PAX3: variants seen among roughly 807,000 people sequenced by gnomAD.
PAX3 encodes the protein paired box 3.
PAX3 carries 14 observed loss-of-function variants against 51.6 expected under a neutral mutation model. That is an observed-to-expected ratio of 0.27 (90% CI 0.18 to 0.42). The LOEUF (loss-of-function observed/expected upper bound fraction) is 0.42. Among genes scored for constraint, PAX3 ranks in the 10% least tolerant of loss-of-function variants. The pLI, the probability that PAX3 is intolerant of heterozygous loss-of-function variation, is 1.00. For missense variants in PAX3, 540 were observed against 642.8 expected (o/e 0.84, Z 1.73); for synonymous variants, 280 against 253.4 (o/e 1.11, Z -1.00).
chr2:222,293,752 C>T (rs1695135950), intron 4 of PAX3: 1 of 1,614,020 alleles, frequency 6.2e-7, no homozygotes, highest in Admixed American at 1.7e-5. Flanking sequence ...GAGACCAGGG[C>T]CTTTCCTGAG....
intron 5 of PAX3, among the ~76,000 whole-genome samples, chr2:222,226,611 C>T (rs957263614): frequency 5.9e-5 from 9 of 151,812 alleles, no homozygotes; most frequent in Admixed American, 3.3e-4. Context: ...ATCAGTTAGA[C>T]GGCTTCAAAT....
rs556348675 is a variant in PAX3, at chr2:222,234,496, A to G, written c.587-2213T>C. Among the ~76,000 whole-genome samples the G allele has an allele frequency of 7.2e-5, 11 of 152,326 alleles. No individual in the cohort carries two copies. The South Asian group carries it at 1.4e-3, about 20-fold the overall frequency. ...TAAATGTAAGCTAAACTAAATGAGC[A>G]ATAATTTGTGCCGAGTCATAGAACA... On this transcript the variant is annotated intron_variant, in intron 4 of 8. Coordinates refer to ENST00000392070, the MANE Select transcript of PAX3 (RefSeq NM_181458.4).
chr2:222,235,298 AC>A (rs777725782), intron 4 of PAX3, among the ~76,000 whole-genome samples: 8 of 152,100 alleles, frequency 5.3e-5, no homozygotes, highest in Non-Finnish European at 1.0e-4. Context: ...CACTGCTGGA[AC>A]CCTTAGAACA....
At chr2:222,268,855 T>G (rs1210033098) in intron 4 of PAX3, among the ~76,000 whole-genome samples, 2 of 152,064 alleles carry the variant, frequency 1.3e-5, no homozygotes, top group Non-Finnish European at 2.9e-5. Context: ...TTGTGCCATA[T>G]TCAGACGTTT....
intron 4 of PAX3, among the ~76,000 whole-genome samples, chr2:222,260,423 G>GTT (rs1007226472): frequency 6.6e-6 from 1 of 151,942 alleles, no homozygotes; most frequent in Non-Finnish European, 1.5e-5. Flanking sequence ...GATGATCATA[G>GTT]TTTTACTGTG....
chr2:222,239,278 C>A (rs565593442), intron 4 of PAX3, among the ~76,000 whole-genome samples: 2 of 151,406 alleles, frequency 1.3e-5, no homozygotes, highest in Admixed American at 1.3e-4. Flanking sequence ...TGGCAGGGCG[C>A]AGGAGACACA....
intron 4 of PAX3, chr2:222,293,670 G>A (rs1695129629): frequency 3.1e-6 from 5 of 1,613,976 alleles, no homozygotes; most frequent in Admixed American, 3.3e-5. Context: ...CAGCCAATGT[G>A]GGGGCAATTT....
chr2:222,261,589 AAAC>A (rs1161958978), intron 4 of PAX3, among the ~76,000 whole-genome samples: 41 of 150,134 alleles, frequency 2.7e-4, no homozygotes, highest in Admixed American at 1.3e-3. Flanking sequence ...ACTCAAGCAG[AAAC>A]AACAACAACA....
At position 222,279,245 on chromosome 2, in the gene PAX3, C is replaced by T. The variant is rs147598995; in HGVS notation, c.586+14922G>A. 7.8e-3 allele frequency among the ~76,000 whole-genome samples: 1,189 copies of T among 152,118 alleles called. 15 individuals are homozygous for T. Among genetic ancestry groups the T allele is most frequent in the African/African-American group, 0.027 (1,107 of 41,494 alleles). On this transcript the variant is annotated intron_variant, in intron 4 of 8. Coordinates refer to ENST00000392070, the MANE Select transcript of PAX3 (RefSeq NM_181458.4). ...CTGGGATTACAGGCATGAGCCACCA[C>T]GCCCAGCCAACCAGTTGAGTATCTA...
At chr2:222,255,297 T>C (rs865854385) in intron 4 of PAX3, among the ~76,000 whole-genome samples, 1 of 151,960 alleles carries the variant, frequency 6.6e-6, no homozygotes, top group Non-Finnish European at 1.5e-5. Flanking sequence ...CTGCCCTGCC[T>C]AAATATGGTG....
chr2:222,256,934 T>C (rs892952386), intron 4 of PAX3, among the ~76,000 whole-genome samples: 1 of 152,214 alleles, frequency 6.6e-6, no homozygotes, highest in Non-Finnish European at 1.5e-5. Context: ...AAATGGACCC[T>C]GTACTTGTGA....
intron 2 of PAX3, 45 bp from the exon 3 acceptor site, chr2:222,295,702 G>A: frequency 6.2e-7 from 1 of 1,612,310 alleles, no homozygotes; most frequent in African/African-American, 1.3e-5. Context: ...GGTACCCTGG[G>A]CCAGGTGGCG....
chr2:222,253,778 G>A (rs1693529949), intron 4 of PAX3, among the ~76,000 whole-genome samples: 1 of 151,990 alleles, frequency 6.6e-6, no homozygotes, highest in African/African-American at 2.4e-5. Flanking sequence ...AGCCCCCTGA[G>A]TAGTTGAGTA....
At chr2:222,287,318 A>G (rs1334546761) in intron 4 of PAX3, 1 of 152,280 alleles carries the variant, frequency 6.6e-6, no homozygotes, top group Admixed American at 6.5e-5. Context: ...TTCACCTATT[A>G]TAGAATTATA....
chr2:222,212,622 A>AC (rs370867327), intron 7 of PAX3, among the ~76,000 whole-genome samples: 5 of 147,932 alleles, frequency 3.4e-5, no homozygotes, highest in African/African-American at 5.0e-5. Context: ...TGGAAAAACA[A>AC]ACACACACAC....
chr2:222,244,734 CA>C (rs35127003), intron 4 of PAX3, among the ~76,000 whole-genome samples: 12,670 of 109,604 alleles, frequency 0.12, 786 homozygotes, highest in Admixed American at 0.3. Flanking sequence ...TATTGTTCAC[CA>C]AAAAAAAAAA....
intron 4 of PAX3, among the ~76,000 whole-genome samples, chr2:222,292,155 C>T (rs962879054): frequency 5.3e-5 from 8 of 152,162 alleles, no homozygotes; most frequent in Non-Finnish European, 1.0e-4. Flanking sequence ...GCCACTTTTT[C>T]CACGCTGAAG....
intron 7 of PAX3, among the ~76,000 whole-genome samples, chr2:222,202,454 G>T (rs1271016091): frequency 6.6e-6 from 1 of 151,550 alleles, no homozygotes; most frequent in Non-Finnish European, 1.5e-5. Context: ...GGAAGGAGAA[G>T]AGGAAAGAGA....
chr2:222,219,959 A>G (rs1692119186), intron 7 of PAX3, among the ~76,000 whole-genome samples, 181 bp downstream of exon 7: 1 of 152,198 alleles, frequency 6.6e-6, no homozygotes, highest in African/African-American at 2.4e-5. Context: ...CTAAGCTACA[A>G]CTTTTGATGA....
Sources: allele counts gnomAD v4.1 joint callset (sites outside exome capture counted in the v4.1 genomes callset), GRCh38; gene constraint gnomAD v4.1.1; transcripts MANE v1.5; gene names NCBI Gene and HGNC (gene_info 2026-07-23, HGNC 2026-07-21).